The following CRMP1 variants were observed in gnomAD, a reference collection of about 807,000 sequenced individuals.
CRMP1 encodes collapsin response mediator protein 1.
Under a neutral mutation model 68.3 loss-of-function variants are expected in CRMP1, and 19 were observed. The observed-to-expected ratio is 0.28, with a 90% CI of 0.19 to 0.41. CRMP1 has a LOEUF of 0.41. CRMP1 is among the 10% of genes least tolerant of loss of function. The probability of loss-of-function intolerance (pLI) is 1.00; values close to 1 mark genes in which losing one functional copy is unlikely to be tolerated. For missense variants in CRMP1, 791 were observed against 967.4 expected (o/e 0.82, Z 2.42); for synonymous variants, 439 against 399.6 (o/e 1.10, Z -1.18).
Position 5,824,570 on chromosome 4 carries a change from A to G in CRMP1, c.1969+924T>C, listed in dbSNP as rs75504206. ...TGACCAGGAATTAGCAAACGGGTCCATTGACCAAATCCGGCCCACCGCCTG... is the reference window on the plus strand; with the variant it reads ...TGACCAGGAATTAGCAAACGGGTCCGTTGACCAAATCCGGCCCACCGCCTG... On this transcript the variant is annotated intron_variant, in intron 13 of 13. Transcript: ENST00000324989. 722 of 975,450 alleles carry G rather than the reference A, an allele frequency of 7.4e-4. 9 individuals are homozygous for G. The East Asian group carries it at 0.044, about 59-fold the overall frequency. The allele number at this position is 975,450 out of a possible 1,614,324, so 60.4% of individuals were successfully genotyped here.
At position 5,865,720 on chromosome 4, in the gene CRMP1, C is replaced by G. The variant is rs1713950816; in HGVS notation, c.470+948G>C. 6.6e-6 allele frequency among the ~76,000 whole-genome samples: 1 copy of G among 152,104 alleles called. No homozygotes were observed. The highest frequency in any genetic ancestry group is 6.5e-5 in the Admixed American group (1 of 15,284). On this transcript the variant is annotated intron_variant, in intron 2 of 13. Transcript: ENST00000324989. The surrounding 1 kb of genome is among the most constrained non-coding windows in gnomAD (Gnocchi z 4.1). ...AATTCATGTTGAAGCCCCAGCCCAC[C>G]CCATGGGACTACCTTTAGCGACAGG...
chr4:5,881,213 G>A lies in CRMP1; in HGVS notation c.381+11376C>T, dbSNP rs1338356897. ...AAACATTGCTTTCTTCCTTTTAGCTGCTTGCTCTTGTTTTCTAGACAACTT... is the reference window on the plus strand; with the variant it reads ...AAACATTGCTTTCTTCCTTTTAGCTACTTGCTCTTGTTTTCTAGACAACTT... On this transcript the variant is annotated intron_variant, in intron 1 of 13. Transcript: ENST00000324989. The surrounding 1 kb of genome is among the most constrained non-coding windows in gnomAD (Gnocchi z 4.6). Among the ~76,000 whole-genome samples, 1 of 152,234 alleles carries A rather than the reference G, an allele frequency of 6.6e-6. No individual in the cohort carries two copies. Among genetic ancestry groups the A allele is most frequent in the Middle Eastern group, 3.4e-3 (1 of 294 alleles).
chr4:5,854,411 T>TTTTTG lies in CRMP1; in HGVS notation c.820+1731_820+1732insCAAAA, dbSNP rs1712894038. ...CACTCCTGGCTATGTTTTTTTTTTTTTTTTTTTTTTTTTAATAGAGTCGTG... is the reference window on the plus strand; with the variant it reads ...CACTCCTGGCTATGTTTTTTTTTTTTTTTTGTTTTTTTTTTTTTAATAGAGTCGTG... On this transcript the variant is annotated intron_variant, in intron 4 of 13. Transcript: ENST00000324989. This position sits in a 1 kb window ranked among gnomAD's most constrained non-coding sequence, Gnocchi z 4.0. Among the ~76,000 whole-genome samples the TTTTTG allele has an allele frequency of 6.8e-6, 1 of 147,574 alleles. No individual in the cohort carries two copies. The highest frequency in any genetic ancestry group is 2.5e-5 in the African/African-American group (1 of 39,756).
At chr4:5,882,241 G>A (rs1715268511) in intron 1 of CRMP1, among the ~76,000 whole-genome samples, 1 of 152,216 alleles carries the variant, frequency 6.6e-6, no homozygotes, top group Non-Finnish European at 1.5e-5. Context: ...CATTTGAGTA[G>A]AAGTTCTTAA....
At chr4:5,884,833 C>G (rs929990582) in intron 1 of CRMP1, among the ~76,000 whole-genome samples, 1 of 152,108 alleles carries the variant, frequency 6.6e-6, no homozygotes, top group Non-Finnish European at 1.5e-5. Context: ...GGCCTCCCCA[C>G]TTCGGTAGCT....
At position 5,825,870 on chromosome 4, in the gene CRMP1, CATCTACATACCCACAT is replaced by C; in HGVS notation, c.1804-227_1804-212del. 1 of 539,698 alleles carries C rather than the reference CATCTACATACCCACAT, an allele frequency of 1.9e-6. No homozygotes were observed. The highest frequency in any genetic ancestry group is 3.3e-6 in the Non-Finnish European group (1 of 306,128). 33.4% of individuals were successfully genotyped at this position (539,698 alleles called of 1,614,324 possible). A position where few individuals can be genotyped will look rare whatever the true frequency, so the allele number is the denominator to read the frequency against. ...ATACACACAAGCATGCATACACACA[CATCTACATACCCACAT>C]GCATACACATACAGACGCACACACC... On this transcript the variant is annotated intron_variant, in intron 12 of 13. Coordinates refer to ENST00000324989, the MANE Select transcript of CRMP1 (RefSeq NM_001014809.3). This position sits in a 1 kb window ranked among gnomAD's most constrained non-coding sequence, Gnocchi z 4.4.
rs1299426160 is a variant in CRMP1 at position 5,893,070 on chromosome 4, G to A, written c.-101C>T. On this transcript the variant is annotated 5_prime_UTR_variant, in exon 1 of 14. Coordinates refer to ENST00000324989, the MANE Select transcript of CRMP1 (RefSeq NM_001014809.3). Reference sequence around the variant, plus strand: ...CCGCGCCTCGGTGCGGGCCTGCGGCGGCCCGGGCGCGACTGCGGCCCAGGG... The same window carrying A: ...CCGCGCCTCGGTGCGGGCCTGCGGCAGCCCGGGCGCGACTGCGGCCCAGGG... The A allele has an allele frequency of 3.2e-5, 27 of 835,096 alleles. No homozygotes were observed. Among genetic ancestry groups the A allele is most frequent in the East Asian group, 1.2e-4 (1 of 8,234 alleles). 51.7% of individuals were successfully genotyped at this position (835,096 alleles called of 1,614,324 possible).
rs1715937839 is a variant in CRMP1 at position 5,891,268 on chromosome 4, T to C, written c.381+1321A>G. ...CTCCGGCTTCAGGACCACGGAGAGC[T>C]CTGGAGCAACAGCCCGCCCGCGAAG... is the stretch of plus-strand genomic sequence containing the variant. On this transcript the variant is annotated intron_variant, in intron 1 of 13. Transcript: ENST00000324989. The surrounding 1 kb of genome is among the most constrained non-coding windows in gnomAD (Gnocchi z 5.2). Among the ~76,000 whole-genome samples the C allele has an allele frequency of 8.1e-6, 1 of 124,026 alleles. No homozygotes were observed. The highest frequency in any genetic ancestry group is 1.9e-5 in the Non-Finnish European group (1 of 52,614). The allele number at this position is 124,026 out of a possible 152,430, so 81.4% of individuals were successfully genotyped here.
chr4:5,825,873 C>G lies in CRMP1; in HGVS notation c.1804-214G>C. 3.8e-6 allele frequency: 2 copies of G among 520,096 alleles called. No homozygotes were observed. Among genetic ancestry groups the G allele is most frequent in the Non-Finnish European group, 6.9e-6 (2 of 291,968 alleles). The allele number at this position is 520,096 out of a possible 1,614,324, so 32.2% of individuals were successfully genotyped here. On this transcript the variant is annotated intron_variant, in intron 12 of 13. Coordinates refer to ENST00000324989, the MANE Select transcript of CRMP1 (RefSeq NM_001014809.3). The surrounding 1 kb of genome is among the most constrained non-coding windows in gnomAD (Gnocchi z 4.4). ...CACACAAGCATGCATACACACACAT[C>G]TACATACCCACATGCATACACATAC...
In CRMP1 at chr4:5,838,907, G is replaced by GGCC; in HGVS notation, c.1310+614_1310+615insGGC. Among the ~76,000 whole-genome samples the GGCC allele has an allele frequency of 6.6e-6, 1 of 152,268 alleles. No individual in the cohort carries two copies. Among genetic ancestry groups the GGCC allele is most frequent in the African/African-American group, 2.4e-5 (1 of 41,546 alleles). ...GCCTCCCGGTGGGTTCTGAGCATGC[G>GGCC]TCTCTGCTTCCAGAGCGGCCTGGAC... On this transcript the variant is annotated intron_variant, in intron 9 of 13. Transcript: ENST00000324989. The surrounding 1 kb of genome is among the most constrained non-coding windows in gnomAD (Gnocchi z 4.9).
Position 5,892,784 on chromosome 4 carries a change from G to C in CRMP1, c.186C>G (p.Arg62=), listed in dbSNP as rs1328957653. ...CGGGCCGGCCAGCGCTGCGCGGCGT[G>C]CGCGCCGAGCCGCGGCGGCCCACAC... ...AYSVGRRGSA[R]TPRSAGRPDA... The change falls in exon 1 of 14, where the codon CGC becomes CGG. Residue 62 remains arginine, a synonymous_variant. Transcript: ENST00000324989. The surrounding 1 kb of genome is among the most constrained non-coding windows in gnomAD (Gnocchi z 8.6). The C allele has an allele frequency of 3.8e-5, 50 of 1,304,306 alleles. No homozygotes were observed. Among genetic ancestry groups the C allele is most frequent in the Non-Finnish European group, 4.8e-5 (49 of 1,022,378 alleles). 80.8% of individuals were successfully genotyped at this position (1,304,306 alleles called of 1,614,324 possible). A position where few individuals can be genotyped will look rare whatever the true frequency, so the allele number is the denominator to read the frequency against.
In CRMP1 at chr4:5,888,770, G is replaced by A. The variant is rs1201412942; in HGVS notation, c.381+3819C>T. Among the ~76,000 whole-genome samples, 3 of 151,838 alleles carry A rather than the reference G, an allele frequency of 2.0e-5. No homozygotes were observed. The highest frequency in any genetic ancestry group is 4.4e-5 in the Non-Finnish European group (3 of 67,912). ...AAAGACGGCGCGGTCAGGGCCCGCG[G>A]GCGGCGCCACAGGTGTGTGGCCGCG... On this transcript the variant is annotated intron_variant, in intron 1 of 13. Coordinates refer to ENST00000324989, the MANE Select transcript of CRMP1 (RefSeq NM_001014809.3). This position sits in a 1 kb window ranked among gnomAD's most constrained non-coding sequence, Gnocchi z 6.4.
rs1423313778 is a variant in CRMP1 at position 5,888,832 on chromosome 4, G to C, written c.381+3757C>G. Among the ~76,000 whole-genome samples, 1 of 151,836 alleles carries C rather than the reference G, an allele frequency of 6.6e-6. No homozygotes were observed. The highest frequency in any genetic ancestry group is 2.1e-4 in the South Asian group (1 of 4,796). Reference sequence around the variant, plus strand: ...CTCCCCGGAACATCTGCGGGGGTGTGGGGGGAGGGAGTGTGGGACGGGGGC... The same window carrying C: ...CTCCCCGGAACATCTGCGGGGGTGTCGGGGGAGGGAGTGTGGGACGGGGGC... On this transcript the variant is annotated intron_variant, in intron 1 of 13. Transcript: ENST00000324989. This position sits in a 1 kb window ranked among gnomAD's most constrained non-coding sequence, Gnocchi z 6.4.
Position 5,877,451 on chromosome 4 carries a change from G to C in CRMP1, c.382-10695C>G, listed in dbSNP as rs1714920348. Among the ~76,000 whole-genome samples the C allele has an allele frequency of 1.3e-5, 2 of 152,062 alleles. No homozygotes were observed. The highest frequency in any genetic ancestry group is 4.8e-5 in the African/African-American group (2 of 41,378). On this transcript the variant is annotated intron_variant, in intron 1 of 13. Coordinates refer to ENST00000324989, the MANE Select transcript of CRMP1 (RefSeq NM_001014809.3). This position sits in a 1 kb window ranked among gnomAD's most constrained non-coding sequence, Gnocchi z 4.3. Reference sequence around the variant, plus strand: ...CCCCTTGAGCAAGCTCCCCACTCTGGCCTCCTTGCAACGGCAAGTGCTGCC... The same window carrying C: ...CCCCTTGAGCAAGCTCCCCACTCTGCCCTCCTTGCAACGGCAAGTGCTGCC...
In CRMP1 at chr4:5,829,242, G is replaced by A. The variant is rs140332454; in HGVS notation, c.1624-574C>T. 5.1e-3 allele frequency among the ~76,000 whole-genome samples: 781 copies of A among 151,948 alleles called. 9 individuals are homozygous for A. The highest frequency in any genetic ancestry group is 0.017 in the African/African-American group (724 of 41,438). Reference sequence around the variant, plus strand: ...AACATTTCCTTTAAAACACACATTCGGCCGGGCACGGTGGCTCATGCCTGT... The same window carrying A: ...AACATTTCCTTTAAAACACACATTCAGCCGGGCACGGTGGCTCATGCCTGT... On this transcript the variant is annotated intron_variant, in intron 11 of 13. Coordinates refer to ENST00000324989, the MANE Select transcript of CRMP1 (RefSeq NM_001014809.3).
rs776954629 is a variant in CRMP1 at position 5,870,763 on chromosome 4, G to A, written c.382-4007C>T. Among the ~76,000 whole-genome samples the A allele has an allele frequency of 3.3e-5, 5 of 152,206 alleles. No individual in the cohort carries two copies. Among genetic ancestry groups the A allele is most frequent in the Non-Finnish European group, 7.3e-5 (5 of 68,028 alleles). On this transcript the variant is annotated intron_variant, in intron 1 of 13. Coordinates refer to ENST00000324989, the MANE Select transcript of CRMP1 (RefSeq NM_001014809.3). This position sits in a 1 kb window ranked among gnomAD's most constrained non-coding sequence, Gnocchi z 6.0. Reference sequence around the variant, plus strand: ...CTATCTGTACCGCTAAAAAAGATGTGTGCATCCCCAGAGAGGAAACTCACC... The same window carrying A: ...CTATCTGTACCGCTAAAAAAGATGTATGCATCCCCAGAGAGGAAACTCACC...
chr4:5,848,105 T>C (rs749180287), intron 6 of CRMP1, among the ~76,000 whole-genome samples: 2 of 152,002 alleles, frequency 1.3e-5, no homozygotes, highest in Admixed American at 1.3e-4. Context: ...TCATTTCTTA[T>C]GAGACTTGCT....
Position 5,827,855 on chromosome 4 carries a change from GTC to G in CRMP1, c.1803+632_1803+633del, listed in dbSNP as rs1435988701. Among the ~76,000 whole-genome samples, 4 of 152,310 alleles carry G rather than the reference GTC, an allele frequency of 2.6e-5. No homozygotes were observed. The East Asian group carries it at 7.7e-4, about 29-fold the overall frequency. ...GGGAAGATGTTGGCCACGGGCGGGA[GTC>G]TCTCTCAGCTGTGAGAAAGTTCCCT... On this transcript the variant is annotated intron_variant, in intron 12 of 13. Coordinates refer to ENST00000324989, the MANE Select transcript of CRMP1 (RefSeq NM_001014809.3).
intron 1 of CRMP1, among the ~76,000 whole-genome samples, chr4:5,876,466 G>A (rs1465408422): frequency 6.6e-6 from 1 of 152,112 alleles, no homozygotes; most frequent in Non-Finnish European, 1.5e-5. Context: ...AAAGCTCAGG[G>A]TAACTAACTG....
Sources: gnomAD v4.1 joint callset for allele counts (sites outside exome capture counted in the v4.1 genomes callset) on GRCh38, gnomAD v4.1.1 for gene constraint, Gnocchi (gnomAD v3.1) non-coding constraint, MANE v1.5 for transcripts, NCBI Gene and HGNC (gene_info 2026-07-23, HGNC 2026-07-21) for gene names.